HACE1: variants seen among roughly 807,000 people sequenced by gnomAD.
HACE1 encodes the protein HECT domain and ankyrin repeat containing E3 ubiquitin protein ligase 1.
Under a neutral mutation model 118.4 loss-of-function variants are expected in HACE1, and 73 were observed. That is an observed-to-expected ratio of 0.62 (90% CI 0.51 to 0.75). The LOEUF (loss-of-function observed/expected upper bound fraction) is 0.75, where lower values mean the gene tolerates loss of function less well. Ranked by LOEUF, HACE1 falls within the 30% of genes least tolerant of loss-of-function variation. The pLI, the probability that HACE1 is intolerant of heterozygous loss-of-function variation, is 0.00. For synonymous variants in HACE1, 368 were observed against 374.8 expected (o/e 0.98, Z 0.21); for missense variants, 749 against 1,102.2 (o/e 0.68, Z 4.54).
At chr6:104,783,668 A>G (rs975310857) in intron 14 of HACE1, among the ~76,000 whole-genome samples, 22 of 152,224 alleles carry the variant, frequency 1.4e-4, no homozygotes, top group Non-Finnish European at 2.6e-4. Flanking sequence ...CAAATAAGTT[A>G]GGAGGATTAA....
At chr6:104,833,315 T>C in intron 5 of HACE1, 142 bp from the exon 6 acceptor site, 3 of 774,922 alleles carry the variant, frequency 3.9e-6, no homozygotes, top group Non-Finnish European at 2.3e-6. Context: ...GGTTTAAAAC[T>C]AAAGGTATTT....
chr6:104,741,953 C>A (rs1776772702), intron 22 of HACE1, among the ~76,000 whole-genome samples: 1 of 151,650 alleles, frequency 6.6e-6, no homozygotes, highest in Non-Finnish European at 1.5e-5. Flanking sequence ...GTACTGGGAC[C>A]AAAACAGAAA....
rs1310858420 is a variant in HACE1, at chr6:104,737,943, G to A, written c.2513+6217C>T. 3.9e-5 allele frequency among the ~76,000 whole-genome samples: 6 copies of A among 152,318 alleles called. No individual in the cohort carries two copies. The East Asian group carries it at 9.7e-4, about 25-fold the overall frequency. On this transcript the variant is annotated intron_variant, in intron 22 of 23. Transcript: ENST00000262903. ...AAATGTCCCTGTCTCACAGCTTTGA[G>A]GAGAGCAGTGGTTCTCCCATCACGC...
intron 22 of HACE1, among the ~76,000 whole-genome samples, chr6:104,736,438 C>T (rs748507545): frequency 6.6e-6 from 1 of 152,072 alleles, no homozygotes; most frequent in Non-Finnish European, 1.5e-5. Context: ...GCATGCGCCA[C>T]CATGCCCAGA....
intron 11 of HACE1, chr6:104,786,091 T>C (rs1296116445): frequency 6.6e-6 from 1 of 152,034 alleles, no homozygotes; most frequent in Non-Finnish European, 1.5e-5. Context: ...TCCCAGCACT[T>C]TGGGAGGCCG....
chr6:104,753,205 G>A (rs1778248936), intron 19 of HACE1, among the ~76,000 whole-genome samples: 1 of 152,182 alleles, frequency 6.6e-6, no homozygotes, highest in Non-Finnish European at 1.5e-5. Context: ...GAAATACACT[G>A]GCTAAGGGTT....
rs747825941 is a variant in HACE1, at chr6:104,730,396, C to T, written c.2534G>A (p.Gly845Glu). 2 of 1,556,030 alleles carry T rather than the reference C, an allele frequency of 1.3e-6. No homozygotes were observed. Among genetic ancestry groups the T allele is most frequent in the Non-Finnish European group, 1.8e-6 (2 of 1,127,166 alleles). The change falls in exon 23 of 24, where the codon GGG becomes GAG. Residue 845 changes from glycine (G) to glutamate (E), a missense_variant. This residue lies in a region of HACE1 where 165 missense variants were observed against 229.9 expected (regional missense o/e 0.72). Transcript: ENST00000262903. ...ACTTCCACCCATGATATTAGCAAACCCACCATGTGGGACCCTGGAACTAAG... is the reference window on the plus strand; with the variant it reads ...ACTTCCACCCATGATATTAGCAAACTCACCATGTGGGACCCTGGAACTAAG... ...VTGSSRVPHGGFANIMGGSGL... is the reference protein window; with the variant it reads ...VTGSSRVPHGEFANIMGGSGL...
At chr6:104,796,080 C>T (rs1769587806) in intron 9 of HACE1, among the ~76,000 whole-genome samples, 1 of 151,994 alleles carries the variant, frequency 6.6e-6, no homozygotes, top group African/African-American at 2.4e-5. Context: ...TTTCCTCTTG[C>T]CATGGGAATA....
At chr6:104,831,978 G>GAGAAGAGA (rs1562470932) in intron 6 of HACE1, among the ~76,000 whole-genome samples, 1 of 53,772 alleles carries the variant, frequency 1.9e-5, no homozygotes, top group Non-Finnish European at 3.5e-5. Flanking sequence ...GAGAAGAGAA[G>GAGAAGAGA]AGAGGAAGGA....
chr6:104,775,084 G>A (rs1216379000), intron 17 of HACE1, among the ~76,000 whole-genome samples: 2 of 152,172 alleles, frequency 1.3e-5, no homozygotes, highest in African/African-American at 4.8e-5. Context: ...GCTTACACCT[G>A]TAATCCCAGA....
intron 14 of HACE1, chr6:104,780,333 A>G (rs554918703): frequency 2.2e-6 from 1 of 450,414 alleles, no homozygotes; most frequent in African/African-American, 2.0e-5. Flanking sequence ...ACATTTTTGT[A>G]TGTAAACTTT....
At chr6:104,848,836 CAAGT>C (rs911684849) in intron 4 of HACE1, among the ~76,000 whole-genome samples, 1 of 151,958 alleles carries the variant, frequency 6.6e-6, no homozygotes, top group Non-Finnish European at 1.5e-5. Flanking sequence ...CACTATAATA[CAAGT>C]AATAATGAAC....
At chr6:104,802,921 A>C (rs1200743945) in intron 7 of HACE1, among the ~76,000 whole-genome samples, 2 of 152,250 alleles carry the variant, frequency 1.3e-5, no homozygotes. Flanking sequence ...CAATGAATCC[A>C]GGAGCTGGTT....
At chr6:104,812,816 T>A (rs766378417) in intron 6 of HACE1, among the ~76,000 whole-genome samples, 1 of 152,216 alleles carries the variant, frequency 6.6e-6, no homozygotes, top group Non-Finnish European at 1.5e-5. Flanking sequence ...AATGGTTATG[T>A]AGAGCTAAAA....
chr6:104,850,964 A>G lies in HACE1; in HGVS notation c.164T>C (p.Phe55Ser). The change falls in exon 3 of 24, where the codon TTT becomes TCT. Residue 55 changes from phenylalanine (F) to serine (S), a missense_variant. Around this residue, in one of 5 missense-constraint regions of HACE1, gnomAD observed 120 missense variants for 219.1 expected, o/e 0.55. Coordinates refer to ENST00000262903, the MANE Select transcript of HACE1 (RefSeq NM_020771.4). ...SVSELLSNSK[F>S]DVNYAFGRVK... ...ACGTCCGAATGCATAATTGACATCA[A>G]ATTTTGAATTTGATAGTAGTTCAGA... is the stretch of plus-strand genomic sequence containing the variant. 1.9e-6 allele frequency: 3 copies of G among 1,609,370 alleles called. No individual in the cohort carries two copies. Among genetic ancestry groups the G allele is most frequent in the Non-Finnish European group, 2.6e-6 (3 of 1,175,634 alleles).
chr6:104,852,228 T>TGTGTGTGTGTGTGTGTGC lies in HACE1; in HGVS notation c.131+88_131+89insGCACACACACACACACAC, dbSNP rs142463116. ...GTGTGTGTGTGTGTGTGTGTGTGTG[T>TGTGTGTGTGTGTGTGTGC]GCGCGCGTGCGCGTGCACGGGCATG... On this transcript the variant is annotated intron_variant, in intron 2 of 23. Coordinates refer to ENST00000262903, the MANE Select transcript of HACE1 (RefSeq NM_020771.4). 1.8e-5 allele frequency: 12 copies of TGTGTGTGTGTGTGTGTGC among 661,280 alleles called. No individual in the cohort carries two copies. In the African/African-American group the frequency reaches 2.7e-4, roughly 15 times the overall value. 41.0% of individuals were successfully genotyped at this position (661,280 alleles called of 1,614,324 possible).
chr6:104,822,625 G>A (rs1268078023), intron 6 of HACE1, among the ~76,000 whole-genome samples: 2 of 152,046 alleles, frequency 1.3e-5, no homozygotes, highest in African/African-American at 2.4e-5. Flanking sequence ...GGGAGGCCGA[G>A]GCAGTCGGAT....
intron 6 of HACE1, among the ~76,000 whole-genome samples, chr6:104,816,309 A>G (rs1031799086): frequency 1.3e-5 from 2 of 152,192 alleles, no homozygotes; most frequent in African/African-American, 4.8e-5. Flanking sequence ...AGGAGGGGAA[A>G]ATGGCTTCAC....
intron 19 of HACE1, among the ~76,000 whole-genome samples, chr6:104,751,228 A>C (rs1778012119): frequency 6.6e-6 from 1 of 152,220 alleles, no homozygotes; most frequent in Admixed American, 6.5e-5. Context: ...GCAGACAGGA[A>C]CTTTGTTTTA....
Sources: allele counts gnomAD v4.1 joint callset (sites outside exome capture counted in the v4.1 genomes callset), GRCh38; gene constraint gnomAD v4.1.1; regional missense constraint gnomAD v4.1.1; transcripts MANE v1.5; gene names NCBI Gene and HGNC (gene_info 2026-07-23, HGNC 2026-07-21).